WDR27: variants seen among roughly 807,000 people sequenced by gnomAD.
WDR27 encodes WD repeat-containing protein 27.
A neutral mutation model predicts 114.4 loss-of-function variants in WDR27; 100 were observed. That is an observed-to-expected ratio of 0.87 (90% confidence interval 0.74 to 1.03). WDR27 has a LOEUF of 1.03. Among genes scored for constraint, WDR27 ranks in the 50% least tolerant of loss-of-function variants. The pLI, the probability that WDR27 is intolerant of heterozygous loss-of-function variation, is 0.00. For synonymous variants in WDR27, 449 were observed against 423.1 expected, an observed-to-expected ratio of 1.06 and a Z score of -0.75; for missense variants, 1,129 against 1,092.9, an observed-to-expected ratio of 1.03 and a Z score of -0.47.
At chr6:169,695,931 T>C (rs1785812487) in intron 1 of WDR27, among the ~76,000 whole-genome samples, 1 of 152,192 alleles carries the variant, frequency 6.6e-6, no homozygotes, top group African/African-American at 2.4e-5. Context: ...AGCTGAGGCC[T>C]GTGGTGGCCC....
intron 22 of WDR27, among the ~76,000 whole-genome samples, chr6:169,603,837 C>T (rs1044918874): frequency 9.2e-5 from 14 of 152,270 alleles, no homozygotes; most frequent in African/African-American, 3.1e-4. Flanking sequence ...TCTTACAGCA[C>T]GTGGCACATT....
chr6:169,485,793 C>T (rs1344253335), intron 25 of WDR27, among the ~76,000 whole-genome samples: 1 of 152,070 alleles, frequency 6.6e-6, no homozygotes, highest in African/African-American at 2.4e-5. Flanking sequence ...AGAAAGAAAA[C>T]GTGGGACATA....
intron 25 of WDR27, among the ~76,000 whole-genome samples, chr6:169,572,047 AG>A (rs1801511607): frequency 6.6e-6 from 1 of 152,190 alleles, no homozygotes; most frequent in Non-Finnish European, 1.5e-5. Context: ...AAAATTTTCT[AG>A]GCCTAAGGTA....
chr6:169,553,052 GAGGGCC>G lies in WDR27; in HGVS notation c.2645+19361_2645+19366del, dbSNP rs1184386445. ...TATGCAGGGAGGTGGGGAGGGCCTG[GAGGGCC>G]TGTGTGTGTGTGTGTGTGTGTGTGT... On this transcript the variant is annotated intron_variant, in intron 25 of 25. Transcript: ENST00000448612. Among the ~76,000 whole-genome samples the G allele has an allele frequency of 1.8e-5, 2 of 108,604 alleles. 1 individual carries two copies. Among genetic ancestry groups the G allele is most frequent in the Admixed American group, 1.9e-4 (2 of 10,642 alleles). 71.2% of individuals were successfully genotyped at this position (108,604 alleles called of 152,430 possible). A position where few individuals can be genotyped will look rare whatever the true frequency, so the allele number is the denominator to read the frequency against.
intron 22 of WDR27, among the ~76,000 whole-genome samples, chr6:169,605,482 C>T (rs921135898): frequency 2.9e-4 from 44 of 151,426 alleles, no homozygotes; most frequent in Non-Finnish European, 5.7e-4. Context: ...AATAGGAAAA[C>T]GTCCTATGCT....
chr6:169,566,143 T>A (rs189828766), intron 25 of WDR27, among the ~76,000 whole-genome samples: 6 of 151,370 alleles, frequency 4.0e-5, no homozygotes, highest in African/African-American at 1.2e-4. Flanking sequence ...CATTTTGTAA[T>A]GTATTGTTAC....
the WDR27 span, among the ~76,000 whole-genome samples, chr6:169,442,717 T>C: frequency 6.6e-6 from 1 of 152,158 alleles, no homozygotes; most frequent in Non-Finnish European, 1.5e-5. Context: ...GGACCACAGC[T>C]TGGAGTCTGG....
At chr6:169,456,964 C>A (rs1457958779), downstream of WDR27, among the ~76,000 whole-genome samples, 1 of 150,744 alleles carries the variant, frequency 6.6e-6, no homozygotes, top group African/African-American at 2.4e-5. The surrounding 1 kb of genome is among the most constrained non-coding windows in gnomAD (Gnocchi z 4.0). Context: ...CAAGCAGAAC[C>A]CACAGTCAGA....
At chr6:169,586,597 G>A (rs1037725755) in intron 23 of WDR27, among the ~76,000 whole-genome samples, 5 of 151,964 alleles carry the variant, frequency 3.3e-5, no homozygotes, top group Non-Finnish European at 5.9e-5. Context: ...GGTGGCTCAC[G>A]CCTGTAATCC....
the WDR27 span, among the ~76,000 whole-genome samples, chr6:169,446,272 C>G: frequency 6.6e-6 from 1 of 152,170 alleles, no homozygotes; most frequent in South Asian, 2.1e-4. Context: ...CCTGAGCACC[C>G]AGGTCAGAGG....
At chr6:169,620,914 C>T (rs983840365) in intron 21 of WDR27, among the ~76,000 whole-genome samples, 9 of 152,180 alleles carry the variant, frequency 5.9e-5, no homozygotes, top group African/African-American at 1.9e-4. Context: ...ATAGACCTGG[C>T]ACCCTTCCCT....
At chr6:169,521,525 G>C (rs1034470174) in intron 25 of WDR27, among the ~76,000 whole-genome samples, 1 of 152,070 alleles carries the variant, frequency 6.6e-6, no homozygotes, top group Non-Finnish European at 1.5e-5. Context: ...TATAATTGTG[G>C]TGTTCAGTCC....
chr6:169,440,466 C>A, the WDR27 span, among the ~76,000 whole-genome samples: 1 of 152,130 alleles, frequency 6.6e-6, no homozygotes, highest in Non-Finnish European at 1.5e-5. Flanking sequence ...ACCAAACCAC[C>A]CAGTGACATA....
intron 23 of WDR27, among the ~76,000 whole-genome samples, chr6:169,601,103 C>T (rs1807890806): frequency 1.3e-5 from 2 of 152,194 alleles, no homozygotes; most frequent in African/African-American, 4.8e-5. Flanking sequence ...ATCAGACTAA[C>T]AGCTGATCTC....
intron 25 of WDR27, among the ~76,000 whole-genome samples, chr6:169,484,832 AT>A: frequency 6.6e-6 from 1 of 152,312 alleles, no homozygotes; most frequent in African/African-American, 2.4e-5. Context: ...ACAGAGACCA[AT>A]TGAACAGAAT....
intron 22 of WDR27, among the ~76,000 whole-genome samples, chr6:169,603,885 G>C (rs1808573695): frequency 1.3e-5 from 2 of 152,174 alleles, no homozygotes; most frequent in Admixed American, 1.3e-4. Context: ...CTGGGTTCAG[G>C]AGAAATTTTA....
At chr6:169,462,161 A>T (rs988086110) in intron 25 of WDR27, among the ~76,000 whole-genome samples, 5 of 152,022 alleles carry the variant, frequency 3.3e-5, no homozygotes, top group Non-Finnish European at 7.4e-5. Flanking sequence ...GATAAAGAAA[A>T]ATCTTAGGCT....
At chr6:169,613,699 G>T in intron 21 of WDR27, 43 bp from the exon 22 acceptor site, 1 of 1,522,422 alleles carries the variant, frequency 6.6e-7, no homozygotes, top group South Asian at 1.1e-5. Context: ...TTCAAAGGTT[G>T]AGTTAATAAG....
downstream of WDR27, among the ~76,000 whole-genome samples, chr6:169,453,820 C>T (rs187049232): frequency 6.6e-6 from 1 of 152,156 alleles, no homozygotes; most frequent in Non-Finnish European, 1.5e-5. Context: ...AATTTCATAG[C>T]TTAAGGTAAT....
Sources: allele counts gnomAD v4.1 joint callset (sites outside exome capture counted in the v4.1 genomes callset), GRCh38; gene constraint gnomAD v4.1.1; non-coding constraint Gnocchi (gnomAD v3.1); transcripts MANE v1.5; gene names NCBI Gene and HGNC (gene_info 2026-07-23, HGNC 2026-07-21).